HS3ST3B1: variants seen among roughly 807,000 people sequenced by gnomAD.
HS3ST3B1 encodes the protein heparan sulfate glucosamine 3-O-sulfotransferase 3B1.
A neutral mutation model predicts 21.3 loss-of-function variants in HS3ST3B1; 13 were observed. The ratio of observed to expected loss-of-function variants is 0.61; its 90% CI spans 0.40 to 0.97. The LOEUF (loss-of-function observed/expected upper bound fraction) is 0.97, where lower values mean the gene tolerates loss of function less well. HS3ST3B1 is among the 50% of genes least tolerant of loss of function. The pLI is 0.00. For synonymous variants in HS3ST3B1, 234 were observed against 254.8 expected (o/e 0.92, Z 0.78); for missense variants, 459 against 554.8 (o/e 0.83, Z 1.73).
intron 1 of HS3ST3B1, among the ~76,000 whole-genome samples, chr17:14,337,904 C>A (rs1022593388): frequency 2.6e-5 from 4 of 151,728 alleles, no homozygotes; most frequent in Non-Finnish European, 5.9e-5. Flanking sequence ...CAGCAGAATA[C>A]ATGACTAGAT....
At chr17:14,344,782 A>G (rs982818598) in intron 1 of HS3ST3B1, among the ~76,000 whole-genome samples, 2 of 152,176 alleles carry the variant, frequency 1.3e-5, no homozygotes, top group African/African-American at 4.8e-5. Context: ...TCTTAGAGAA[A>G]CAGATAGCTT....
In HS3ST3B1 at chr17:14,301,730, C is replaced by A; in HGVS notation, c.212C>A (p.Ala71Glu). ...CTCCTGGGCTCTGGGTCCCGCGCCG[C>A]ACACGACCCGCCAGCCCTGGCCACA... ...LLLLGSGSRA[A>E]HDPPALATAP... The change falls in exon 1 of 2, where the codon GCA becomes GAA. Residue 71 changes from alanine (A) to glutamate (E), a missense_variant. Ala to Glu is a moderately radical substitution (Grantham distance 107). This residue lies in a region of HS3ST3B1 where 317 missense variants were observed against 278.6 expected (regional missense o/e 1.14). Transcript: ENST00000360954. 2 of 1,600,170 alleles carry A rather than the reference C, an allele frequency of 1.2e-6. No homozygotes were observed. The highest frequency in any genetic ancestry group is 1.7e-6 in the Non-Finnish European group (2 of 1,175,226).
intron 1 of HS3ST3B1, among the ~76,000 whole-genome samples, chr17:14,331,124 A>T (rs1247858757): frequency 6.6e-6 from 1 of 152,058 alleles, no homozygotes; most frequent in Non-Finnish European, 1.5e-5. Context: ...TTTTATTTTT[A>T]AGTTGGATTT....
At chr17:14,342,938 A>G (rs189289490) in intron 1 of HS3ST3B1, among the ~76,000 whole-genome samples, 1 of 152,336 alleles carries the variant, frequency 6.6e-6, no homozygotes, top group African/African-American at 2.4e-5. Flanking sequence ...ATCTACGTTT[A>G]CATTCTAGAA....
chr17:14,313,458 C>T (rs1909396555), intron 1 of HS3ST3B1, among the ~76,000 whole-genome samples: 1 of 152,168 alleles, frequency 6.6e-6, no homozygotes, highest in Non-Finnish European at 1.5e-5. Context: ...TTAGCTCTTC[C>T]TACACAAAAG....
chr17:14,315,448 G>A (rs1482086084), intron 1 of HS3ST3B1, among the ~76,000 whole-genome samples: 1 of 152,302 alleles, frequency 6.6e-6, no homozygotes, highest in East Asian at 1.9e-4. Flanking sequence ...CTCAGGTTTT[G>A]CATGTATCTC....
intron 1 of HS3ST3B1, among the ~76,000 whole-genome samples, chr17:14,329,670 C>T (rs895086044): frequency 6.6e-6 from 1 of 152,196 alleles, no homozygotes; most frequent in Non-Finnish European, 1.5e-5. Flanking sequence ...CAGAAGGAGA[C>T]TCAGTTTTTC....
Position 14,348,074 on chromosome 17 carries a change from TTCTGATGG to T in HS3ST3B1, c.*2436_*2443del, listed in dbSNP as rs1910627759. 6.6e-6 allele frequency: 1 copy of T among 152,232 alleles called. No individual in the cohort carries two copies. Among genetic ancestry groups the T allele is most frequent in the African/African-American group, 2.4e-5 (1 of 41,456 alleles). The allele number at this position is 152,232 out of a possible 1,614,324, so 9.4% of individuals were successfully genotyped here. On this transcript the variant is annotated 3_prime_UTR_variant, in exon 2 of 2. Transcript: ENST00000360954. The stretch of plus-strand genomic sequence containing the variant: ...TCTTGCCCTGTCTACTTTCTGATCA[TTCTGATGG>T]TCTGATGTGGCTGTTGATGTGGAAC...
intron 1 of HS3ST3B1, among the ~76,000 whole-genome samples, chr17:14,313,093 G>GTGTGGT (rs1555548188): frequency 1.0e-3 from 70 of 68,078 alleles, no homozygotes; most frequent in South Asian, 3.0e-3. Context: ...GTGTGTGTGT[G>GTGTGGT]GTGTGTGTGT....
At chr17:14,343,003 G>A (rs1910434144) in intron 1 of HS3ST3B1, among the ~76,000 whole-genome samples, 1 of 152,176 alleles carries the variant, frequency 6.6e-6, no homozygotes, top group Non-Finnish European at 1.5e-5. Flanking sequence ...CAGCACTTTG[G>A]GAGGCCAAGG....
intron 1 of HS3ST3B1, among the ~76,000 whole-genome samples, chr17:14,342,183 G>A (rs1910408008): frequency 6.6e-6 from 1 of 152,200 alleles, no homozygotes; most frequent in Non-Finnish European, 1.5e-5. Context: ...GATTAAGATG[G>A]CTTGAAGCTT....
At chr17:14,313,432 C>T (rs1215811126) in intron 1 of HS3ST3B1, among the ~76,000 whole-genome samples, 3 of 152,172 alleles carry the variant, frequency 2.0e-5, no homozygotes, top group East Asian at 1.9e-4. Context: ...TCCTCTTGCT[C>T]GAAGCACCAC....
At chr17:14,337,607 G>A (rs1203252004) in intron 1 of HS3ST3B1, among the ~76,000 whole-genome samples, 2 of 151,878 alleles carry the variant, frequency 1.3e-5, no homozygotes, top group Admixed American at 6.6e-5. Flanking sequence ...AAAGTGCTGG[G>A]ATTACAGGTG....
intron 1 of HS3ST3B1, among the ~76,000 whole-genome samples, chr17:14,337,037 A>G (rs1277220459): frequency 6.6e-6 from 1 of 152,118 alleles, no homozygotes; most frequent in Non-Finnish European, 1.5e-5. Context: ...ACTGAGATTC[A>G]TTTGCAGCCA....
intron 1 of HS3ST3B1, among the ~76,000 whole-genome samples, chr17:14,330,550 G>GTGTGT (rs1555549604): frequency 6.9e-6 from 1 of 144,080 alleles, no homozygotes; most frequent in Admixed American, 7.0e-5. Flanking sequence ...CTGGTTTCCC[G>GTGTGT]GTGTGTGTGT....
At chr17:14,332,581 T>C (rs868839111) in intron 1 of HS3ST3B1, among the ~76,000 whole-genome samples, 4 of 152,064 alleles carry the variant, frequency 2.6e-5, no homozygotes, top group African/African-American at 9.7e-5. Context: ...AATGGAAAGA[T>C]TGAGCAACTG....
rs1435247144 is a variant in HS3ST3B1, at chr17:14,309,310, G to A, written c.554+7238G>A. On this transcript the variant is annotated intron_variant, in intron 1 of 1. Coordinates refer to ENST00000360954, the MANE Select transcript of HS3ST3B1 (RefSeq NM_006041.3). Reference sequence around the variant, plus strand: ...CGGAGCTTCCCAGTGCGGGGGCAGGGCTGGCAGCCGAGACTGGGGCCGCCT... The same window carrying A: ...CGGAGCTTCCCAGTGCGGGGGCAGGACTGGCAGCCGAGACTGGGGCCGCCT... Among the ~76,000 whole-genome samples, 3 of 152,232 alleles carry A rather than the reference G, an allele frequency of 2.0e-5. No individual in the cohort carries two copies. In the East Asian group the frequency reaches 5.8e-4, roughly 29 times the overall value.
intron 1 of HS3ST3B1, among the ~76,000 whole-genome samples, chr17:14,315,276 G>A (rs991262925): frequency 4.6e-5 from 7 of 152,120 alleles, no homozygotes; most frequent in African/African-American, 1.7e-4. Context: ...AATGCACTGT[G>A]GCTCAATATG....
At chr17:14,322,992 G>T (rs113538115) in intron 1 of HS3ST3B1, among the ~76,000 whole-genome samples, 6,036 of 145,258 alleles carry the variant, frequency 0.042, 390 homozygotes, top group African/African-American at 0.14. Context: ...TGCAACCTCT[G>T]CCTCCTGGGT....
Sources: gnomAD v4.1 joint callset for allele counts (sites outside exome capture counted in the v4.1 genomes callset) on GRCh38, gnomAD v4.1.1 for gene constraint, gnomAD v4.1.1 regional missense constraint, MANE v1.5 for transcripts, NCBI Gene and HGNC (gene_info 2026-07-23, HGNC 2026-07-21) for gene names.